The following ATP2A2 variants were observed in gnomAD, a reference collection of about 807,000 sequenced individuals.
The protein encoded by ATP2A2 is sarcoplasmic/endoplasmic reticulum calcium ATPase 2.
ATP2A2 carries 14 observed loss-of-function variants against 109.3 expected under a neutral mutation model. The observed-to-expected ratio is 0.13, with a 90% CI of 0.08 to 0.20. The LOEUF (loss-of-function observed/expected upper bound fraction) is 0.20. Among genes scored for constraint, ATP2A2 ranks in the 10% least tolerant of loss-of-function variants. ATP2A2 has a pLI of 1.00. For synonymous variants in ATP2A2, 506 were observed against 490.9 expected, an observed-to-expected ratio of 1.03 and a Z score of -0.41; for missense variants, 657 against 1,321.6, an observed-to-expected ratio of 0.50 and a Z score of 7.80.
At chr12:110,307,513 C>T (rs1489005609) in intron 5 of ATP2A2, among the ~76,000 whole-genome samples, 3 of 152,000 alleles carry the variant, frequency 2.0e-5, no homozygotes, top group Non-Finnish European at 4.4e-5. Flanking sequence ...GGATTACAAG[C>T]GTGAGCCACC....
chr12:110,313,549 A>G (rs1876332392), intron 5 of ATP2A2, among the ~76,000 whole-genome samples: 1 of 151,388 alleles, frequency 6.6e-6, no homozygotes, highest in South Asian at 2.1e-4. Context: ...TCCTGACCTC[A>G]AGTGCTTCAT....
intron 14 of ATP2A2, 65 bp downstream of exon 14, chr12:110,341,059 G>T: frequency 1.3e-6 from 2 of 1,565,542 alleles, no homozygotes; most frequent in South Asian, 2.3e-5. Context: ...CTCTAATTTT[G>T]ACCACTGAAT....
rs1027862394 is a variant in ATP2A2 at position 110,350,072 on chromosome 12, CGAG to C, written c.*3606_*3608del. 3.6e-5 allele frequency: 52 copies of C among 1,438,338 alleles called. No homozygotes were observed. The highest frequency in any genetic ancestry group is 5.7e-5 in the African/African-American group (4 of 69,798). 89.1% of individuals were successfully genotyped at this position (1,438,338 alleles called of 1,614,324 possible). A position where few individuals can be genotyped will look rare whatever the true frequency, so the allele number is the denominator to read the frequency against. On this transcript the variant is annotated 3_prime_UTR_variant, in exon 20 of 20. Transcript: ENST00000539276. ...GCCTTTATTCTGTAGCCAGACGACA[CGAG>C]GAGTCTGTGTCACTGAGCCAGTGCT...
chr12:110,318,893 T>C (rs1029989927), intron 5 of ATP2A2, among the ~76,000 whole-genome samples: 5 of 152,154 alleles, frequency 3.3e-5, no homozygotes, highest in African/African-American at 1.2e-4. Context: ...TTGGGAGGCT[T>C]TGGAGCTTTT....
At chr12:110,345,884 C>T (rs935064298) in intron 18 of ATP2A2, 117 bp from the exon 19 acceptor site, 5 of 1,001,520 alleles carry the variant, frequency 5.0e-6, no homozygotes, top group Non-Finnish European at 7.9e-6. Context: ...GGTAGGTCAG[C>T]GGATGGTGCC....
chr12:110,335,874 C>T (rs1269111236), intron 11 of ATP2A2, among the ~76,000 whole-genome samples: 1 of 152,224 alleles, frequency 6.6e-6, no homozygotes, highest in Non-Finnish European at 1.5e-5. Flanking sequence ...AACATCATTC[C>T]TGAGCTGTGT....
At position 110,349,203 on chromosome 12, in the gene ATP2A2, C is replaced by T. The variant is rs1880170861; in HGVS notation, c.*2733C>T. Reference sequence around the variant, plus strand: ...GGGTGAAAACACTTCAGCATCTCCTCCTCAGGTCAACCCATAAAGACCAGG... The same window carrying T: ...GGGTGAAAACACTTCAGCATCTCCTTCTCAGGTCAACCCATAAAGACCAGG... On this transcript the variant is annotated 3_prime_UTR_variant, in exon 20 of 20. Coordinates refer to ENST00000539276, the MANE Select transcript of ATP2A2 (RefSeq NM_170665.4). 3.0e-6 allele frequency: 3 copies of T among 985,454 alleles called. No individual in the cohort carries two copies. The highest frequency in any genetic ancestry group is 6.1e-5 in the Admixed American group (1 of 16,266). The allele number at this position is 985,454 out of a possible 1,614,324, so 61.0% of individuals were successfully genotyped here.
intron 5 of ATP2A2, among the ~76,000 whole-genome samples, chr12:110,305,882 G>GC (rs1566213043): frequency 7.2e-6 from 1 of 137,970 alleles, no homozygotes; most frequent in Non-Finnish European, 1.6e-5. Context: ...TTTTTTTTTT[G>GC]TTTTTTTTTT....
Position 110,340,864 on chromosome 12 carries a change from A to G in ATP2A2, c.1967A>G (p.Glu656Gly). The G allele has an allele frequency of 6.2e-7, 1 of 1,614,200 alleles. No homozygotes were observed. ...DVTSKAFTGR[E>G]FDELNPSAQR... Reference sequence around the variant, plus strand: ...ACGTCAAAAGCTTTCACAGGCCGGGAGTTTGATGAACTCAACCCCTCCGCC... The same window carrying G: ...ACGTCAAAAGCTTTCACAGGCCGGGGGTTTGATGAACTCAACCCCTCCGCC... Residue 656 changes from glutamate to glycine, a missense_variant, in exon 14 of 20, where the codon GAG becomes GGG. Physicochemically the swap from Glu to Gly is moderately conservative, Grantham distance 98. Transcript: ENST00000539276. The surrounding 1 kb of genome is among the most constrained non-coding windows in gnomAD (Gnocchi z 6.0).
intron 5 of ATP2A2, among the ~76,000 whole-genome samples, chr12:110,304,278 C>G (rs1019103667): frequency 6.6e-6 from 1 of 152,092 alleles, no homozygotes; most frequent in Non-Finnish European, 1.5e-5. Flanking sequence ...GTGAACATAA[C>G]ATTTTCTCTC....
chr12:110,346,521 A>T lies in ATP2A2; in HGVS notation c.*51A>T. The T allele has an allele frequency of 6.2e-7, 1 of 1,608,552 alleles. No homozygotes were observed. The highest frequency in any genetic ancestry group is 1.1e-5 in the South Asian group (1 of 90,348). On this transcript the variant is annotated 3_prime_UTR_variant, in exon 20 of 20. Transcript: ENST00000539276. ...TTTAACTTAATCAATTAATTTTTTTATTGTTTAAAGCAACTGTCTATTTCT... is the reference window on the plus strand; with the variant it reads ...TTTAACTTAATCAATTAATTTTTTTTTTGTTTAAAGCAACTGTCTATTTCT...
At chr12:110,304,357 C>G (rs1875027462) in intron 5 of ATP2A2, among the ~76,000 whole-genome samples, 1 of 152,166 alleles carries the variant, frequency 6.6e-6, no homozygotes, top group Non-Finnish European at 1.5e-5. Flanking sequence ...TTTTGAGCAG[C>G]TACCAAACTG....
chr12:110,302,508 A>G (rs1874771224), intron 5 of ATP2A2, among the ~76,000 whole-genome samples: 1 of 151,948 alleles, frequency 6.6e-6, no homozygotes, highest in Non-Finnish European at 1.5e-5. Context: ...CTTCCCCCAC[A>G]GTATGGTAAT....
Position 110,339,104 on chromosome 12 carries a change from G to A in ATP2A2, c.1420-177G>A, listed in dbSNP as rs1330572795. On this transcript the variant is annotated intron_variant, in intron 11 of 19. Coordinates refer to ENST00000539276, the MANE Select transcript of ATP2A2 (RefSeq NM_170665.4). This position sits in a 1 kb window ranked among gnomAD's most constrained non-coding sequence, Gnocchi z 4.4. ...TCTCTATAGCACTTGTGTTACTTTTGCATCTTAGTCTGTCTCTCCCAAAAT... is the reference window on the plus strand; with the variant it reads ...TCTCTATAGCACTTGTGTTACTTTTACATCTTAGTCTGTCTCTCCCAAAAT... Among the ~76,000 whole-genome samples, 1 of 152,034 alleles carries A rather than the reference G, an allele frequency of 6.6e-6. No homozygotes were observed. Among genetic ancestry groups the A allele is most frequent in the Non-Finnish European group, 1.5e-5 (1 of 68,018 alleles).
At chr12:110,316,153 C>T (rs1876646252) in intron 5 of ATP2A2, among the ~76,000 whole-genome samples, 1 of 152,166 alleles carries the variant, frequency 6.6e-6, no homozygotes. Context: ...AACGCTTTAC[C>T]ATCTTGGTAG....
chr12:110,339,136 C>T lies in ATP2A2; in HGVS notation c.1420-145C>T, dbSNP rs1488432721. The stretch of plus-strand genomic sequence containing the variant: ...AGTCTGTCTCTCCCAAAATAGGGGA[C>T]AAGTTTCATGAGGGCAAAAACCTGT... On this transcript the variant is annotated intron_variant, in intron 11 of 19. Transcript: ENST00000539276. This position sits in a 1 kb window ranked among gnomAD's most constrained non-coding sequence, Gnocchi z 4.4. 9.1e-6 allele frequency: 10 copies of T among 1,104,546 alleles called. No individual in the cohort carries two copies. The highest frequency in any genetic ancestry group is 6.6e-5 in the South Asian group (5 of 75,722). 68.4% of individuals were successfully genotyped at this position (1,104,546 alleles called of 1,614,324 possible).
chr12:110,341,377 C>T (rs1373190599), intron 14 of ATP2A2, among the ~76,000 whole-genome samples: 1 of 151,878 alleles, frequency 6.6e-6, no homozygotes, highest in East Asian at 1.9e-4. Flanking sequence ...CAGTATTCTT[C>T]CCCTCACCTG....
chr12:110,322,022 G>A (rs929364865), intron 5 of ATP2A2, among the ~76,000 whole-genome samples: 9 of 151,560 alleles, frequency 5.9e-5, no homozygotes, highest in African/African-American at 1.7e-4. Flanking sequence ...ACGGAGTCTC[G>A]CTCTGCCGCC....
intron 5 of ATP2A2, among the ~76,000 whole-genome samples, chr12:110,301,902 A>T (rs751709129): frequency 6.6e-6 from 1 of 152,102 alleles, no homozygotes; most frequent in Admixed American, 6.6e-5. Context: ...GGCAAATTTT[A>T]TAGAGTTTAT....
Sources: allele counts gnomAD v4.1 joint callset (sites outside exome capture counted in the v4.1 genomes callset), GRCh38; gene constraint gnomAD v4.1.1; non-coding constraint Gnocchi (gnomAD v3.1); transcripts MANE v1.5; gene names NCBI Gene and HGNC (gene_info 2026-07-23, HGNC 2026-07-21).